Variants in PRDM16 observed in about 807,000 individuals in gnomAD.
PRDM16 encodes histone-lysine N-methyltransferase PRDM16.
A neutral mutation model predicts 110.6 loss-of-function variants in PRDM16; 23 were observed. The ratio of observed to expected loss-of-function variants is 0.21; its 90% confidence interval spans 0.15 to 0.29. The LOEUF (loss-of-function observed/expected upper bound fraction) is 0.29. PRDM16 is among the 10% of genes least tolerant of loss of function. The probability of loss-of-function intolerance (pLI) is 1.00; values close to 1 mark genes in which losing one functional copy is unlikely to be tolerated. For synonymous variants in PRDM16, 799 were observed against 781.8 expected (o/e 1.02, Z -0.37); for missense variants, 1,615 against 1,794.3 (o/e 0.90, Z 1.81).
intron 2 of PRDM16, among the ~76,000 whole-genome samples, chr1:3,233,025 A>G (rs373544026): frequency 1.5e-4 from 23 of 152,366 alleles, no homozygotes; most frequent in Admixed American, 3.3e-4. Context: ...GGTCATTTCT[A>G]TAACTAAAAA....
chr1:3,330,030 C>T (rs1642011510), intron 3 of PRDM16, among the ~76,000 whole-genome samples: 2 of 152,250 alleles, frequency 1.3e-5, no homozygotes, highest in South Asian at 2.1e-4. Context: ...GCTCTGATTG[C>T]GATCACAAGT....
At chr1:3,429,025 G>C (rs1289966663) in intron 14 of PRDM16, among the ~76,000 whole-genome samples, 1 of 152,254 alleles carries the variant, frequency 6.6e-6, no homozygotes, top group Admixed American at 6.5e-5. Context: ...GGCCAAGGAG[G>C]GCCAAGGGTC....
intron 2 of PRDM16, among the ~76,000 whole-genome samples, chr1:3,191,758 G>A (rs965902679): frequency 2.6e-5 from 4 of 152,144 alleles, no homozygotes; most frequent in Non-Finnish European, 5.9e-5. Context: ...GTGGGGTGAG[G>A]GCAGCCCAGC....
At chr1:3,083,189 C>G (rs1390753363) in intron 1 of PRDM16, among the ~76,000 whole-genome samples, 1 of 152,202 alleles carries the variant, frequency 6.6e-6, no homozygotes, top group African/African-American at 2.4e-5. Context: ...ACGTCTCGTC[C>G]GAGACCACTG....
rs1294609315 is a variant in PRDM16, at chr1:3,358,955, A to G, written c.439-26197A>G. On this transcript the variant is annotated intron_variant, in intron 3 of 16. Transcript: ENST00000270722. This position sits in a 1 kb window ranked among gnomAD's most constrained non-coding sequence, Gnocchi z 4.0. ...ATGAGGAATCAGAGGGGGAAAGCAC[A>G]GCCGCTGTGGCTCATGTTGTCATCT... 6.6e-6 allele frequency among the ~76,000 whole-genome samples: 1 copy of G among 152,202 alleles called. No homozygotes were observed. Among genetic ancestry groups the G allele is most frequent in the Non-Finnish European group, 1.5e-5 (1 of 68,038 alleles).
intron 2 of PRDM16, among the ~76,000 whole-genome samples, chr1:3,239,097 G>C (rs17393804): frequency 0.011 from 1,642 of 152,292 alleles, 10 homozygotes; most frequent in Non-Finnish European, 0.017. Context: ...ATTTACACCA[G>C]GGAAATTGGC....
At chr1:3,101,569 C>G (rs543857288) in intron 1 of PRDM16, among the ~76,000 whole-genome samples, 1 of 152,216 alleles carries the variant, frequency 6.6e-6, no homozygotes, top group East Asian at 1.9e-4. Context: ...GGAGGGCAGG[C>G]TTGGCCTGAG....
intron 2 of PRDM16, among the ~76,000 whole-genome samples, chr1:3,198,745 C>T (rs990150148): frequency 2.6e-5 from 4 of 152,200 alleles, no homozygotes; most frequent in Non-Finnish European, 5.9e-5. Context: ...ACGCAGGCTG[C>T]GGGAACCCCC....
rs1001399873 is a variant in PRDM16 at position 3,080,090 on chromosome 1, C to G, written c.37+10794C>G. 2.0e-5 allele frequency among the ~76,000 whole-genome samples: 3 copies of G among 152,194 alleles called. No homozygotes were observed. Among genetic ancestry groups the G allele is most frequent in the East Asian group, 1.9e-4 (1 of 5,192 alleles). ...CAGCGATCTGGAGCACTTTTCCGCA[C>G]GCTGTAACCCCTGAGAAGAAACAAA... On this transcript the variant is annotated intron_variant, in intron 1 of 16. Transcript: ENST00000270722. This position sits in a 1 kb window ranked among gnomAD's most constrained non-coding sequence, Gnocchi z 5.2.
chr1:3,086,682 T>C (rs1224576673), intron 1 of PRDM16, among the ~76,000 whole-genome samples: 5 of 151,596 alleles, frequency 3.3e-5, no homozygotes, highest in South Asian at 2.1e-4. Context: ...CACCGGAGAG[T>C]TTTTGGGTGG....
chr1:3,181,794 G>A (rs566098647), intron 1 of PRDM16, among the ~76,000 whole-genome samples: 1 of 122,822 alleles, frequency 8.1e-6, no homozygotes, highest in African/African-American at 3.2e-5. Context: ...TCTTACACAT[G>A]CAGTCTTACA....
At chr1:3,085,029 C>G (rs1642118386) in intron 1 of PRDM16, among the ~76,000 whole-genome samples, 1 of 152,204 alleles carries the variant, frequency 6.6e-6, no homozygotes, top group Non-Finnish European at 1.5e-5. Flanking sequence ...GCATCCAGCC[C>G]CTTTTCCTGC....
At chr1:3,160,215 T>A (rs1454467409) in intron 1 of PRDM16, among the ~76,000 whole-genome samples, 1 of 152,170 alleles carries the variant, frequency 6.6e-6, no homozygotes, top group African/African-American at 2.4e-5. Flanking sequence ...AGGCCGCGGT[T>A]CCTGCCCTGG....
intron 1 of PRDM16, among the ~76,000 whole-genome samples, chr1:3,130,939 G>A (rs1355760227): frequency 6.6e-6 from 1 of 152,108 alleles, no homozygotes; most frequent in Non-Finnish European, 1.5e-5. Context: ...GTTCAGGTTA[G>A]GTGTGTTCCA....
At chr1:3,325,593 G>T (rs952736847) in intron 3 of PRDM16, among the ~76,000 whole-genome samples, 24 of 152,230 alleles carry the variant, frequency 1.6e-4, no homozygotes, top group African/African-American at 5.8e-4. Context: ...GAAACTAGGT[G>T]GCTTCAAACC....
At chr1:3,264,622 C>T (rs1253632203) in intron 3 of PRDM16, among the ~76,000 whole-genome samples, 2 of 135,900 alleles carry the variant, frequency 1.5e-5, no homozygotes, top group African/African-American at 2.8e-5. Context: ...GATGGGCACC[C>T]GAGGACCCCG....
intron 1 of PRDM16, among the ~76,000 whole-genome samples, chr1:3,159,818 C>G (rs1341909210): frequency 6.6e-6 from 1 of 152,160 alleles, no homozygotes; most frequent in Admixed American, 6.5e-5. Flanking sequence ...AGGCACTTAC[C>G]CCATCGAAGT....
At chr1:3,375,158 GTGGGAGATCGGGGC>G (rs1642970365) in intron 3 of PRDM16, among the ~76,000 whole-genome samples, 1 of 152,216 alleles carries the variant, frequency 6.6e-6, no homozygotes, top group South Asian at 2.1e-4. Context: ...GATGAGGATG[GTGGGAGATCGGGGC>G]TGGGAGGGCC....
chr1:3,082,876 C>T (rs1642063343), intron 1 of PRDM16, among the ~76,000 whole-genome samples: 1 of 152,170 alleles, frequency 6.6e-6, no homozygotes, highest in African/African-American at 2.4e-5. Flanking sequence ...GCCTGTGGCC[C>T]CTGGGTCTGT....
Sources: gnomAD v4.1 joint callset for allele counts (sites outside exome capture counted in the v4.1 genomes callset) on GRCh38, gnomAD v4.1.1 for gene constraint, Gnocchi (gnomAD v3.1) non-coding constraint, MANE v1.5 for transcripts, NCBI Gene and HGNC (gene_info 2026-07-23, HGNC 2026-07-21) for gene names.